ZNF791: variants seen among roughly 807,000 people sequenced by gnomAD.
ZNF791 encodes the protein zinc finger protein 791.
Under a neutral mutation model 11.5 loss-of-function variants are expected in ZNF791, and 4 were observed. The observed-to-expected ratio is 0.35, with a 90% CI of 0.17 to 0.80. The LOEUF (loss-of-function observed/expected upper bound fraction) is 0.80, where lower values mean the gene tolerates loss of function less well. Among genes scored for constraint, ZNF791 ranks in the 30% least tolerant of loss-of-function variants. ZNF791 has a pLI of 0.53. For synonymous variants in ZNF791, 212 were observed against 228.1 expected (o/e 0.93, Z 0.64); for missense variants, 559 against 699.4 (o/e 0.80, Z 2.26).
rs1178417572 is a variant in ZNF791 at position 12,632,860 on chromosome 19, C to T, written c.*3600C>T. The T allele has an allele frequency of 6.6e-6, 1 of 151,986 alleles. No homozygotes were observed. Among genetic ancestry groups the T allele is most frequent in the Non-Finnish European group, 1.5e-5 (1 of 68,018 alleles). The allele number at this position is 151,986 out of a possible 1,614,324, so 9.4% of individuals were successfully genotyped here. On this transcript the variant is annotated 3_prime_UTR_variant, in exon 4 of 4. Transcript: ENST00000343325. ...CCTGTAATCCCAGCACTTTGGGAGGCCGAGGTGGGCGGATCACGAAGTCAG... is the reference window on the plus strand; with the variant it reads ...CCTGTAATCCCAGCACTTTGGGAGGTCGAGGTGGGCGGATCACGAAGTCAG...
At chr19:12,626,034 T>A (rs1305177213) in intron 3 of ZNF791, among the ~76,000 whole-genome samples, 1 of 151,526 alleles carries the variant, frequency 6.6e-6, no homozygotes, top group Non-Finnish European at 1.5e-5. Context: ...TTTGTTTTTT[T>A]TGAGACGGAG....
rs188803757 is a variant in ZNF791 at position 12,613,249 on chromosome 19, C to T, written c.3+2167C>T. Among the ~76,000 whole-genome samples the T allele has an allele frequency of 1.4e-3, 213 of 151,088 alleles. 2 individuals carry two copies. The highest frequency in any genetic ancestry group is 4.8e-3 in the African/African-American group (200 of 41,240). On this transcript the variant is annotated intron_variant, in intron 1 of 3. Coordinates refer to ENST00000343325, the MANE Select transcript of ZNF791 (RefSeq NM_153358.3). ...TGCTGGGATTATAGGTGTGAGCCAT[C>T]GTGCCAGGCCTTCTGCTGGATGTTT...
chr19:12,623,868 T>TGG, intron 2 of ZNF791, 42 bp downstream of exon 2: 1 of 873,200 alleles, frequency 1.1e-6, no homozygotes, highest in Non-Finnish European at 1.6e-6. Flanking sequence ...TTTTTTTTTT[T>TGG]TTGGGGGGGG....
At chr19:12,614,256 C>T (rs2023204655) in intron 1 of ZNF791, among the ~76,000 whole-genome samples, 1 of 152,012 alleles carries the variant, frequency 6.6e-6, no homozygotes, top group Non-Finnish European at 1.5e-5. Context: ...TTTTTTGAGA[C>T]CGAGTCTCAC....
chr19:12,627,658 C>A, intron 3 of ZNF791, 63 bp from the exon 4 acceptor site: 1 of 1,380,696 alleles, frequency 7.2e-7, no homozygotes, highest in South Asian at 1.4e-5. Context: ...GTTCTACTAC[C>A]CGATAATACA....
intron 2 of ZNF791, among the ~76,000 whole-genome samples, 172 bp from the exon 3 acceptor site, chr19:12,624,474 CAGTT>C (rs1380662907): frequency 1.3e-5 from 2 of 152,152 alleles, no homozygotes; most frequent in Non-Finnish European, 2.9e-5. Context: ...TTCATATCGT[CAGTT>C]AGAGAACTGC....
At chr19:12,612,234 T>G in intron 1 of ZNF791, 1 of 634,198 alleles carries the variant, frequency 1.6e-6, no homozygotes, top group Non-Finnish European at 2.0e-6. Flanking sequence ...AGATGGGGTC[T>G]GGCTGTGTTG....
Position 12,627,852 on chromosome 19 carries a change from C to T in ZNF791, c.323C>T (p.Ala108Val). The T allele has an allele frequency of 6.2e-7, 1 of 1,614,170 alleles. No homozygotes were observed. Among genetic ancestry groups the T allele is most frequent in the Non-Finnish European group, 8.5e-7 (1 of 1,180,036 alleles). The stretch of plus-strand genomic sequence containing the variant: ...TATGAGTGTACTATCTGTGGAAAAG[C>T]CTTCATGCGTCTCTCATCCCTTACT... ...KPYECTICGK[A>V]FMRLSSLTRH... Residue 108 changes from alanine (A) to valine (V), a missense_variant, in exon 4 of 4, where the codon GCC becomes GTC. By Grantham distance (64) the Ala-to-Val change is moderately conservative. Transcript: ENST00000343325.
chr19:12,629,101 T>C lies in ZNF791; in HGVS notation c.1572T>C (p.Tyr524=), dbSNP rs764929913. ...GAATGCATACTGGAGAGAAACCCTA[T>C]AAATGTAAAGAATGTGGGAAGGCCT... ...HMRMHTGEKP[Y]KCKECGKAFS... is the part of the protein sequence containing the mutation. The change falls in exon 4 of 4, where the codon TAT becomes TAC. Residue 524 remains tyrosine (Y), a synonymous_variant. Coordinates refer to ENST00000343325, the MANE Select transcript of ZNF791 (RefSeq NM_153358.3). 6.2e-7 allele frequency: 1 copy of C among 1,606,090 alleles called. No homozygotes were observed. Among genetic ancestry groups the C allele is most frequent in the Non-Finnish European group, 8.5e-7 (1 of 1,176,868 alleles).
At chr19:12,613,613 A>G (rs932764837) in intron 1 of ZNF791, among the ~76,000 whole-genome samples, 2 of 152,064 alleles carry the variant, frequency 1.3e-5, no homozygotes, top group Admixed American at 1.3e-4. Context: ...AAATTGTCTC[A>G]TTTAAAATTA....
chr19:12,631,833 G>A lies in ZNF791; in HGVS notation c.*2573G>A, dbSNP rs1417871666. 1 of 152,164 alleles carries A rather than the reference G, an allele frequency of 6.6e-6. No individual in the cohort carries two copies. Among genetic ancestry groups the A allele is most frequent in the Non-Finnish European group, 1.5e-5 (1 of 68,032 alleles). 9.4% of individuals were successfully genotyped at this position (152,164 alleles called of 1,614,324 possible). On this transcript the variant is annotated 3_prime_UTR_variant, in exon 4 of 4. Coordinates refer to ENST00000343325, the MANE Select transcript of ZNF791 (RefSeq NM_153358.3). Reference sequence around the variant, plus strand: ...TTAACTACTTTTCCAAGAAGTCTTGGAAGTGAGATAATTCTGTAAGTACTC... The same window carrying A: ...TTAACTACTTTTCCAAGAAGTCTTGAAAGTGAGATAATTCTGTAAGTACTC...
At position 12,632,233 on chromosome 19, in the gene ZNF791, G is replaced by C. The variant is rs2023510614; in HGVS notation, c.*2973G>C. ...CCGCCTCAGCCTCCCAAAGTGCTGGGATTACAAGCTTGAGCCACCGCACCC... is the reference window on the plus strand; with the variant it reads ...CCGCCTCAGCCTCCCAAAGTGCTGGCATTACAAGCTTGAGCCACCGCACCC... On this transcript the variant is annotated 3_prime_UTR_variant, in exon 4 of 4. Transcript: ENST00000343325. The C allele has an allele frequency of 6.6e-6, 1 of 151,770 alleles. No individual in the cohort carries two copies. The highest frequency in any genetic ancestry group is 2.4e-5 in the African/African-American group (1 of 41,308). 9.4% of individuals were successfully genotyped at this position (151,770 alleles called of 1,614,324 possible).
intron 3 of ZNF791, among the ~76,000 whole-genome samples, chr19:12,625,261 C>T (rs935267951): frequency 6.6e-6 from 1 of 150,670 alleles, no homozygotes; most frequent in Non-Finnish European, 1.5e-5. Flanking sequence ...GCTGGGATTA[C>T]AGGGACGTGC....
chr19:12,624,378 C>T (rs1381686857), intron 2 of ZNF791, among the ~76,000 whole-genome samples: 1 of 151,972 alleles, frequency 6.6e-6, no homozygotes, highest in Non-Finnish European at 1.5e-5. Context: ...GTCTCGAACT[C>T]CTGACCTCAG....
chr19:12,618,057 AC>A (rs2023274492), intron 1 of ZNF791, among the ~76,000 whole-genome samples: 1 of 151,390 alleles, frequency 6.6e-6, no homozygotes, highest in South Asian at 2.1e-4. Flanking sequence ...AGCTGGGATT[AC>A]AGGTGCACAC....
At chr19:12,623,870 T>C (rs2861401) in intron 2 of ZNF791, 44 bp downstream of exon 2, 1 of 712,926 alleles carries the variant, frequency 1.4e-6, no homozygotes, top group Non-Finnish European at 2.0e-6. Flanking sequence ...TTTTTTTTTT[T>C]GGGGGGGGAC....
At chr19:12,613,898 T>C (rs2023200600) in intron 1 of ZNF791, among the ~76,000 whole-genome samples, 1 of 152,180 alleles carries the variant, frequency 6.6e-6, no homozygotes, top group Non-Finnish European at 1.5e-5. Flanking sequence ...TAATTGTGGT[T>C]TCCTTGGGTG....
At chr19:12,612,988 T>TC (rs2023184722) in intron 1 of ZNF791, among the ~76,000 whole-genome samples, 1 of 151,738 alleles carries the variant, frequency 6.6e-6, no homozygotes, top group African/African-American at 2.4e-5. Context: ...CTTGGGTGTG[T>TC]TTTTAGACAT....
intron 1 of ZNF791, 197 bp from the exon 2 acceptor site, chr19:12,623,503 A>C (rs112032317): frequency 1.5e-5 from 9 of 593,234 alleles, no homozygotes; most frequent in African/African-American, 9.6e-5. Flanking sequence ...ACCATTAGAG[A>C]GCAATAGGAC....
Sources: allele counts gnomAD v4.1 joint callset (sites outside exome capture counted in the v4.1 genomes callset), GRCh38; gene constraint gnomAD v4.1.1; transcripts MANE v1.5; gene names NCBI Gene and HGNC (gene_info 2026-07-23, HGNC 2026-07-21).